Variants in GLRA1 observed in about 807,000 individuals in gnomAD.
GLRA1 encodes glycine receptor subunit alpha-1.
In GLRA1, 37 loss-of-function variants were observed where a neutral mutation model predicts 48.3. That is an observed-to-expected ratio of 0.77 (90% confidence interval 0.59 to 1.01). GLRA1 has a LOEUF of 1.01. GLRA1 is among the 50% of genes least tolerant of loss of function. GLRA1 has a pLI of 0.00. For synonymous variants in GLRA1, 196 were observed against 210.7 expected (o/e 0.93, Z 0.60); for missense variants, 427 against 571.0 (o/e 0.75, Z 2.57).
At position 151,914,786 on chromosome 5, in the gene GLRA1, G is replaced by A. The variant is rs569425816; in HGVS notation, c.56+9708C>T. Among the ~76,000 whole-genome samples, 210 of 152,288 alleles carry A rather than the reference G, an allele frequency of 1.4e-3. 7 individuals are homozygous for A. Among genetic ancestry groups the A allele is most frequent in the African/African-American group, 2.8e-3 (116 of 41,562 alleles). ...GGAGCTAGTGCAATTTCTCTTGTAC[G>A]TCAAGGATAGAGATTGAGAGCTCGT... On this transcript the variant is annotated intron_variant, in intron 1 of 8. Coordinates refer to ENST00000274576, the MANE Select transcript of GLRA1 (RefSeq NM_000171.4).
chr5:151,889,921 G>A (rs1292474913), intron 2 of GLRA1, among the ~76,000 whole-genome samples: 1 of 152,084 alleles, frequency 6.6e-6, no homozygotes, highest in Non-Finnish European at 1.5e-5. Context: ...TGGGGGTCGA[G>A]GGAGTTAAGG....
intron 7 of GLRA1, among the ~76,000 whole-genome samples, chr5:151,831,368 C>A (rs544713668): frequency 1.3e-5 from 2 of 152,332 alleles, no homozygotes; most frequent in South Asian, 4.1e-4. Context: ...AGATCCCATC[C>A]CCACGGAGCC....
intron 1 of GLRA1, among the ~76,000 whole-genome samples, chr5:151,922,620 G>T (rs565362852): frequency 6.6e-6 from 1 of 152,226 alleles, no homozygotes; most frequent in Non-Finnish European, 1.5e-5. Context: ...GTTCACGCAC[G>T]TAGGGGAAAG....
chr5:151,896,289 C>T (rs75345128), intron 1 of GLRA1, among the ~76,000 whole-genome samples: 1,533 of 152,270 alleles, frequency 0.01, 26 homozygotes, highest in African/African-American at 0.031. Flanking sequence ...CCCAGGGGGT[C>T]AAGTAACTGG....
chr5:151,856,689 T>A (rs1459039111), intron 4 of GLRA1, among the ~76,000 whole-genome samples: 2 of 151,934 alleles, frequency 1.3e-5, no homozygotes, highest in South Asian at 2.1e-4. Flanking sequence ...TGCTAATTTT[T>A]AAATTTTTTT....
At chr5:151,836,972 C>T (rs1763593714) in intron 7 of GLRA1, among the ~76,000 whole-genome samples, 1 of 152,024 alleles carries the variant, frequency 6.6e-6, no homozygotes, top group Non-Finnish European at 1.5e-5. Context: ...AGCTTCTGCA[C>T]AGCAAACAAC....
intron 2 of GLRA1, among the ~76,000 whole-genome samples, chr5:151,889,953 G>A (rs1754017447): frequency 1.3e-5 from 2 of 152,084 alleles, no homozygotes; most frequent in Non-Finnish European, 2.9e-5. Flanking sequence ...GTTGGGACGG[G>A]CCTAAAAGAT....
intron 6 of GLRA1, among the ~76,000 whole-genome samples, chr5:151,851,960 CCTGA>C (rs770493941): frequency 2.1e-4 from 32 of 152,200 alleles, no homozygotes; most frequent in East Asian, 1.5e-3. Flanking sequence ...TAAGAATGGG[CCTGA>C]CTAAGTAGAA....
rs747246043 is a variant in GLRA1 at position 151,870,831 on chromosome 5, T to A, written c.253-10823A>T. 2.0e-5 allele frequency among the ~76,000 whole-genome samples: 3 copies of A among 149,824 alleles called. No homozygotes were observed. In the East Asian group the frequency reaches 5.8e-4, roughly 29 times the overall value. Reference sequence around the variant, plus strand: ...CCTCTCTTTTCTCCAATTCCAGTTATGTTAAAAGCAACTTTTGCTTGGCAA... The same window carrying A: ...CCTCTCTTTTCTCCAATTCCAGTTAAGTTAAAAGCAACTTTTGCTTGGCAA... On this transcript the variant is annotated intron_variant, in intron 3 of 8. Coordinates refer to ENST00000274576, the MANE Select transcript of GLRA1 (RefSeq NM_000171.4).
chr5:151,830,185 G>C (rs1370658582), intron 7 of GLRA1, among the ~76,000 whole-genome samples: 1 of 152,168 alleles, frequency 6.6e-6, no homozygotes, highest in African/African-American at 2.4e-5. Flanking sequence ...CACAGTTGGA[G>C]CTTCTTCAAT....
intron 7 of GLRA1, among the ~76,000 whole-genome samples, chr5:151,830,243 C>T (rs979263524): frequency 6.6e-6 from 1 of 152,172 alleles, no homozygotes. Context: ...TCATGGTTCC[C>T]TCAAAGATGC....
At chr5:151,834,738 A>T (rs535311374) in intron 7 of GLRA1, among the ~76,000 whole-genome samples, 1 of 152,280 alleles carries the variant, frequency 6.6e-6, no homozygotes, top group East Asian at 1.9e-4. Flanking sequence ...AGCCTAATAA[A>T]GAAAAGAGGC....
At chr5:151,849,183 CTTTCT>C (rs1752795162) in intron 7 of GLRA1, 3 of 103,788 alleles carry the variant, frequency 2.9e-5, no homozygotes, top group African/African-American at 9.3e-5. Context: ...TTCTTTCTTT[CTTTCT>C]TTTCTTTCTT....
chr5:151,877,831 A>G (rs1753664122), intron 3 of GLRA1, among the ~76,000 whole-genome samples: 1 of 152,358 alleles, frequency 6.6e-6, no homozygotes, highest in African/African-American at 2.4e-5. Context: ...CTGTAAGTCC[A>G]ATAAAGGTCT....
At chr5:151,852,625 G>A (rs1323554886) in intron 6 of GLRA1, among the ~76,000 whole-genome samples, 3 of 152,244 alleles carry the variant, frequency 2.0e-5, no homozygotes, top group African/African-American at 7.2e-5. Context: ...GGACTTGTCA[G>A]TCTTTTCTTC....
At chr5:151,850,478 G>T in intron 7 of GLRA1, 1 of 1,036,964 alleles carries the variant, frequency 9.6e-7, no homozygotes. Flanking sequence ...ATGGTCTGAA[G>T]TACACTGAGG....
intron 3 of GLRA1, among the ~76,000 whole-genome samples, chr5:151,873,413 C>T (rs1753538338): frequency 6.7e-6 from 1 of 149,228 alleles, no homozygotes; most frequent in Middle Eastern, 3.4e-3. Context: ...ATAATCCCAG[C>T]ACTTTGGGAG....
chr5:151,899,861 T>C (rs1454882181), intron 1 of GLRA1, among the ~76,000 whole-genome samples: 1 of 152,164 alleles, frequency 6.6e-6, no homozygotes, highest in East Asian at 1.9e-4. Flanking sequence ...TCCCCCTTCC[T>C]GTCCTACCTC....
chr5:151,845,840 A>G (rs1752664208), intron 7 of GLRA1, among the ~76,000 whole-genome samples: 1 of 152,240 alleles, frequency 6.6e-6, no homozygotes, highest in Non-Finnish European at 1.5e-5. Context: ...GGATAACAAA[A>G]TGTGATATAT....
Sources: gnomAD v4.1 joint callset for allele counts (sites outside exome capture counted in the v4.1 genomes callset) on GRCh38, gnomAD v4.1.1 for gene constraint, MANE v1.5 for transcripts, NCBI Gene and HGNC (gene_info 2026-07-23, HGNC 2026-07-21) for gene names.